The following PCSK5 variants were observed in gnomAD, a reference collection of about 807,000 sequenced individuals.
PCSK5 encodes the protein prohormone convertase 5.
In PCSK5, 129 loss-of-function variants were observed where a neutral mutation model predicts 233.2. The ratio of observed to expected loss-of-function variants is 0.55; its 90% CI spans 0.48 to 0.64. PCSK5 has a LOEUF of 0.64. PCSK5 is among the 30% of genes least tolerant of loss of function. The pLI is 0.00. For synonymous variants in PCSK5, 825 were observed against 879.2 expected, an observed-to-expected ratio of 0.94 and a Z score of 1.09; for missense variants, 2,076 against 2,430.1, an observed-to-expected ratio of 0.85 and a Z score of 3.06.
At chr9:76,188,327 T>TTA (rs1369109552) in intron 17 of PCSK5, among the ~76,000 whole-genome samples, 1 of 152,102 alleles carries the variant, frequency 6.6e-6, no homozygotes. Context: ...GTCTAACAAA[T>TTA]TAAGGAGGCT....
intron 2 of PCSK5, among the ~76,000 whole-genome samples, chr9:75,980,537 T>A (rs547292180): frequency 2.0e-4 from 31 of 152,302 alleles, no homozygotes; most frequent in Admixed American, 4.6e-4. Context: ...AACTTCTCCA[T>A]CACATCAAAA....
At chr9:76,311,896 C>A (rs915348472) in intron 30 of PCSK5, among the ~76,000 whole-genome samples, 6 of 152,126 alleles carry the variant, frequency 3.9e-5, no homozygotes, top group Non-Finnish European at 7.3e-5. Context: ...ACTACCAGGG[C>A]CAGGAAAGGG....
intron 27 of PCSK5, among the ~76,000 whole-genome samples, chr9:76,297,644 T>C (rs7860497): frequency 0.017 from 2,630 of 152,276 alleles, 73 homozygotes; most frequent in African/African-American, 0.061. Context: ...CCTCTTCCTG[T>C]TGGAAAAATC....
chr9:76,250,832 G>C (rs1826778482), intron 24 of PCSK5, among the ~76,000 whole-genome samples: 1 of 152,202 alleles, frequency 6.6e-6, no homozygotes, highest in Admixed American at 6.5e-5. Context: ...GGGCCTGATA[G>C]AGCTATTTGG....
chr9:76,264,824 T>C (rs1325726340), intron 24 of PCSK5, among the ~76,000 whole-genome samples: 1 of 152,128 alleles, frequency 6.6e-6, no homozygotes, highest in African/African-American at 2.4e-5. Context: ...TTTGGAGATT[T>C]CTCAAAGATC....
Position 76,296,694 on chromosome 9 carries a change from G to A in PCSK5, c.3352G>A (p.Gly1118Arg). The A allele has an allele frequency of 6.2e-7, 1 of 1,612,316 alleles. No homozygotes were observed. The highest frequency in any genetic ancestry group is 8.5e-7 in the Non-Finnish European group (1 of 1,179,382). ...CAGTTGTGTGAGGAAATGTGGTCCT[G>A]GATTCTATGGTGACCAAGAAATGGG... ...GGSCVRKCGP[G>R]FYGDQEMGEC... The change falls in exon 27 of 38, where the codon GGA (glycine) becomes AGA (arginine). Residue 1118 changes from glycine to arginine, a missense_variant. Around this residue, in one of 6 missense-constraint regions of PCSK5, gnomAD observed 1,510 missense variants for 1,538.1 expected, o/e 0.98. Transcript: ENST00000674117.
At chr9:76,216,640 G>A (rs1825543638) in intron 20 of PCSK5, among the ~76,000 whole-genome samples, 1 of 152,134 alleles carries the variant, frequency 6.6e-6, no homozygotes, top group Admixed American at 6.5e-5. Flanking sequence ...TTCTAGAACT[G>A]TAGATTTAGT....
chr9:76,077,894 A>G (rs1306414643), intron 7 of PCSK5, among the ~76,000 whole-genome samples: 4 of 152,206 alleles, frequency 2.6e-5, no homozygotes, highest in African/African-American at 9.7e-5. Flanking sequence ...TTTTGGTAGA[A>G]CAATTTATTT....
intron 1 of PCSK5, among the ~76,000 whole-genome samples, chr9:75,915,158 T>C (rs920044752): frequency 6.6e-6 from 1 of 152,204 alleles, no homozygotes. Context: ...AGTAGGAATC[T>C]GACCGTGTTA....
chr9:75,986,049 C>A, intron 2 of PCSK5, 83 bp from the exon 3 acceptor site: 2 of 806,598 alleles, frequency 2.5e-6, no homozygotes, highest in Admixed American at 2.0e-5. Flanking sequence ...CCTTGACTTA[C>A]AATGGGAAAT....
rs146451859 is a variant in PCSK5, at chr9:76,189,673, G to A, written c.2553G>A (p.Lys851=). The A allele has an allele frequency of 3.5e-5, 56 of 1,613,196 alleles. No homozygotes were observed. The highest frequency in any genetic ancestry group is 4.1e-5 in the Non-Finnish European group (48 of 1,179,328). The change falls in exon 20 of 38, where the codon AAG becomes AAA. Residue 851 remains lysine (K), a synonymous_variant. Transcript: ENST00000674117. ...TGACGTGCAATGGCCCAGGATTCAA[G>A]AACTGTACAAGCTGCCCTAGTGGGT... ...SCLTCNGPGF[K]NCTSCPSGYL... is the part of the protein sequence containing the mutation.
intron 12 of PCSK5, among the ~76,000 whole-genome samples, chr9:76,163,518 G>C (rs1051288627): frequency 2.2e-4 from 33 of 152,194 alleles, no homozygotes; most frequent in African/African-American, 7.5e-4. Context: ...TGTGTGCCGT[G>C]GGTCAATGGA....
chr9:75,949,242 C>G (rs1035950664), intron 2 of PCSK5, among the ~76,000 whole-genome samples: 1 of 151,580 alleles, frequency 6.6e-6, no homozygotes, highest in African/African-American at 2.4e-5. Context: ...TATACCTAAA[C>G]AATTTTAAGA....
intron 15 of PCSK5, 24 bp from the exon 16 acceptor site, chr9:76,181,374 C>A: frequency 6.2e-7 from 1 of 1,600,806 alleles, no homozygotes; most frequent in Non-Finnish European, 8.5e-7. Flanking sequence ...ACGCTGCCTT[C>A]TTTCTTATTG....
chr9:75,950,349 G>A (rs1433723801), intron 2 of PCSK5, among the ~76,000 whole-genome samples: 1 of 151,984 alleles, frequency 6.6e-6, no homozygotes, highest in Non-Finnish European at 1.5e-5. Context: ...ATATTAACCA[G>A]ATAACTATTG....
chr9:76,279,222 T>C (rs2131384575), intron 24 of PCSK5, among the ~76,000 whole-genome samples: 1 of 151,040 alleles, frequency 6.6e-6, no homozygotes, highest in Non-Finnish European at 1.5e-5. Flanking sequence ...TTCATCCATG[T>C]CCCTACATAG....
At chr9:75,955,639 T>A (rs939088369) in intron 2 of PCSK5, among the ~76,000 whole-genome samples, 4 of 148,454 alleles carry the variant, frequency 2.7e-5, no homozygotes, top group African/African-American at 1.0e-4. Context: ...ACTCAGTGTT[T>A]CTCAGCTTTT....
chr9:76,058,676 GA>G (rs1259514467), intron 5 of PCSK5, among the ~76,000 whole-genome samples: 8 of 152,244 alleles, frequency 5.3e-5, no homozygotes, highest in African/African-American at 2.4e-5. Flanking sequence ...GCTACATGGG[GA>G]AAAAAATTGA....
chr9:76,322,356 G>A (rs1829232648), intron 31 of PCSK5, among the ~76,000 whole-genome samples: 1 of 152,092 alleles, frequency 6.6e-6, no homozygotes, highest in African/African-American at 2.4e-5. Flanking sequence ...AGAAAAGTTC[G>A]GGCAACTATG....
Sources: allele counts gnomAD v4.1 joint callset (sites outside exome capture counted in the v4.1 genomes callset), GRCh38; gene constraint gnomAD v4.1.1; regional missense constraint gnomAD v4.1.1; transcripts MANE v1.5; gene names NCBI Gene and HGNC (gene_info 2026-07-23, HGNC 2026-07-21).